Variants in NF2 observed in about 807,000 individuals in gnomAD.
NF2 encodes merlin.
A neutral mutation model predicts 83.7 loss-of-function variants in NF2; 8 were observed. The observed-to-expected ratio is 0.10, with a 90% confidence interval of 0.06 to 0.17. The LOEUF (loss-of-function observed/expected upper bound fraction) is 0.17, where lower values mean the gene tolerates loss of function less well. NF2 is among the 10% of genes least tolerant of loss of function. NF2 has a pLI of 1.00. For synonymous variants in NF2, 266 were observed against 269.6 expected (o/e 0.99, Z 0.13); for missense variants, 533 against 744.4 (o/e 0.72, Z 3.31).
rs1157178317 is a variant in NF2 at position 29,694,171 on chromosome 22, GGAGA to G, written c.1738-578_1738-575del. 6.6e-6 allele frequency among the ~76,000 whole-genome samples: 1 copy of G among 152,228 alleles called. No homozygotes were observed. Among genetic ancestry groups the G allele is most frequent in the African/African-American group, 2.4e-5 (1 of 41,450 alleles). On this transcript the variant is annotated intron_variant, in intron 15 of 15. Coordinates refer to ENST00000338641, the MANE Select transcript of NF2 (RefSeq NM_000268.4). This position sits in a 1 kb window ranked among gnomAD's most constrained non-coding sequence, Gnocchi z 4.1. Reference sequence around the variant, plus strand: ...GAGAAAGCCGTTGCCTCCAGCTCATGGAGAGAAACACCTTCTCAGCTGCCACGTC... The same window carrying G: ...GAGAAAGCCGTTGCCTCCAGCTCATGGAAACACCTTCTCAGCTGCCACGTC...
intron 4 of NF2, among the ~76,000 whole-genome samples, chr22:29,652,716 A>G (rs575452486): frequency 6.6e-6 from 1 of 152,238 alleles, no homozygotes; most frequent in Non-Finnish European, 1.5e-5. Flanking sequence ...GAGACACAAA[A>G]ATTTCCAAGG....
chr22:29,627,168 G>A (rs1395884047), intron 1 of NF2, among the ~76,000 whole-genome samples: 4 of 152,116 alleles, frequency 2.6e-5, no homozygotes, highest in African/African-American at 9.7e-5. Context: ...AATTATCGTA[G>A]CAATGAAAAA....
intron 4 of NF2, among the ~76,000 whole-genome samples, chr22:29,651,397 C>T (rs2066143822): frequency 6.6e-6 from 1 of 152,168 alleles, no homozygotes; most frequent in Non-Finnish European, 1.5e-5. Context: ...AGGGGATTGT[C>T]TTTAATGCAA....
intron 1 of NF2, among the ~76,000 whole-genome samples, chr22:29,621,625 C>T (rs568057041): frequency 6.6e-6 from 1 of 152,026 alleles, no homozygotes; most frequent in East Asian, 1.9e-4. Flanking sequence ...TTCCTGATTG[C>T]ACCACTGCAC....
chr22:29,671,261 C>T (rs2857649), intron 10 of NF2, among the ~76,000 whole-genome samples: 61,464 of 151,970 alleles, frequency 0.4, 12,918 homozygotes, highest in African/African-American at 0.53. Context: ...CCAGGCGCGG[C>T]GGCTCATGCC....
intron 7 of NF2, among the ~76,000 whole-genome samples, chr22:29,659,563 GCTAT>G (rs2066415916): frequency 6.6e-6 from 1 of 152,074 alleles, no homozygotes; most frequent in South Asian, 2.1e-4. Context: ...AAAGCTACTG[GCTAT>G]CTTAGTGTCT....
intron 15 of NF2, among the ~76,000 whole-genome samples, chr22:29,681,820 C>A (rs1174236951): frequency 6.6e-6 from 1 of 152,152 alleles, no homozygotes; most frequent in African/African-American, 2.4e-5. Flanking sequence ...GTGTTAAAAG[C>A]TCTGATGTAA....
chr22:29,617,346 G>A (rs915106562), intron 1 of NF2, among the ~76,000 whole-genome samples: 3 of 152,164 alleles, frequency 2.0e-5, no homozygotes, highest in East Asian at 1.9e-4. Flanking sequence ...GCTAGAGCAA[G>A]GTTTTTCAAC....
In NF2 at chr22:29,666,162, C is replaced by CT. The variant is rs577249858; in HGVS notation, c.885+1108dup. Among the ~76,000 whole-genome samples the CT allele has an allele frequency of 1.9e-4, 28 of 149,294 alleles. No homozygotes were observed. In the South Asian group the frequency reaches 2.3e-3, roughly 12 times the overall value. ...TAATTAAGTGCTTTTTACTTCTATACTTTTTTTTTTGAAATGGGGTCTCAC... is the reference window on the plus strand; with the variant it reads ...TAATTAAGTGCTTTTTACTTCTATACTTTTTTTTTTTGAAATGGGGTCTCAC... On this transcript the variant is annotated intron_variant, in intron 9 of 15. Coordinates refer to ENST00000338641, the MANE Select transcript of NF2 (RefSeq NM_000268.4).
chr22:29,614,152 A>C (rs2065023658), intron 1 of NF2, among the ~76,000 whole-genome samples: 1 of 151,282 alleles, frequency 6.6e-6, no homozygotes, highest in Middle Eastern at 3.4e-3. Flanking sequence ...ACATACAAAA[A>C]TTAACTCATG....
chr22:29,669,468 C>G (rs1286652672), intron 10 of NF2, among the ~76,000 whole-genome samples: 2 of 152,144 alleles, frequency 1.3e-5, no homozygotes, highest in Non-Finnish European at 2.9e-5. Context: ...GATTGCACCA[C>G]TACATTCCAG....
At chr22:29,638,644 G>A (rs2065714004) in intron 2 of NF2, among the ~76,000 whole-genome samples, 1 of 152,052 alleles carries the variant, frequency 6.6e-6, no homozygotes, top group African/African-American at 2.4e-5. Flanking sequence ...GAGCCACCAC[G>A]CCCAGCGCTC....
chr22:29,673,294 T>A lies in NF2; in HGVS notation c.1148T>A (p.Leu383Gln). ...ALMRSEETADLLAEKAQITEE... is the reference protein window; with the variant it reads ...ALMRSEETADQLAEKAQITEE... ...ATGCGGTCTGAGGAGACAGCTGACC[T>A]GTTGGCTGAAAAGGCCCAGATCACC... is the stretch of plus-strand genomic sequence containing the variant. The change falls in exon 12 of 16, where the codon CTG becomes CAG. Residue 383 changes from leucine (L) to glutamine (Q), a missense_variant. By Grantham distance (113) the Leu-to-Gln change is moderately radical (BLOSUM62 -2). Coordinates refer to ENST00000338641, the MANE Select transcript of NF2 (RefSeq NM_000268.4). 6.3e-7 allele frequency: 1 copy of A among 1,584,146 alleles called. No homozygotes were observed. Among genetic ancestry groups the A allele is most frequent in the Non-Finnish European group, 8.6e-7 (1 of 1,165,596 alleles).
At chr22:29,684,792 G>C (rs1296444717) in intron 15 of NF2, among the ~76,000 whole-genome samples, 2 of 152,110 alleles carry the variant, frequency 1.3e-5, no homozygotes. Context: ...CAATAATGCT[G>C]CACTATTAAA....
intron 15 of NF2, among the ~76,000 whole-genome samples, chr22:29,692,726 G>A (rs1339387721): frequency 6.6e-6 from 1 of 152,214 alleles, no homozygotes; most frequent in Non-Finnish European, 1.5e-5. Context: ...CTCCCCACTG[G>A]AAGGAGAGGG....
At chr22:29,646,856 C>CTAATCTCTACTA (rs2065996029) in intron 4 of NF2, among the ~76,000 whole-genome samples, 1 of 152,028 alleles carries the variant, frequency 6.6e-6, no homozygotes, top group Non-Finnish European at 1.5e-5. Flanking sequence ...CCAGCCTGAC[C>CTAATCTCTACTA]AATGTGGTGA....
intron 11 of NF2, among the ~76,000 whole-genome samples, chr22:29,672,686 G>T (rs1483332933): frequency 6.6e-6 from 1 of 150,916 alleles, no homozygotes; most frequent in Non-Finnish European, 1.5e-5. Context: ...CATGATCTTG[G>T]CTCACTGCAA....
At chr22:29,676,066 T>A (rs1229997161) in intron 13 of NF2, among the ~76,000 whole-genome samples, 2 of 152,186 alleles carry the variant, frequency 1.3e-5, no homozygotes. Context: ...GCTGGGGATC[T>A]CTCTGGTGGT....
chr22:29,678,439 CA>C, intron 14 of NF2, 116 bp downstream of exon 14: 1 of 1,250,424 alleles, frequency 8.0e-7, no homozygotes, highest in African/African-American at 1.5e-5. Context: ...ATTACTCCTG[CA>C]AAGGTTTGCT....
Sources: allele counts gnomAD v4.1 joint callset (sites outside exome capture counted in the v4.1 genomes callset), GRCh38; gene constraint gnomAD v4.1.1; non-coding constraint Gnocchi (gnomAD v3.1); transcripts MANE v1.5; gene names NCBI Gene and HGNC (gene_info 2026-07-23, HGNC 2026-07-21).